Variants in CSMD1 observed in about 807,000 individuals in gnomAD.
CSMD1 encodes CUB and Sushi multiple domains 1.
In CSMD1, 213 loss-of-function variants were observed where a neutral mutation model predicts 417.5. The observed-to-expected ratio is 0.51, with a 90% CI of 0.46 to 0.57. The LOEUF (loss-of-function observed/expected upper bound fraction) is 0.57, where lower values mean the gene tolerates loss of function less well. CSMD1 is among the 20% of genes least tolerant of loss of function. CSMD1 has a pLI of 0.00. For synonymous variants in CSMD1, 2,862 were observed against 1,736.8 expected (o/e 1.65, Z -16.11); for missense variants, 6,923 against 4,529.7 (o/e 1.53, Z -15.17).
intron 5 of CSMD1, among the ~76,000 whole-genome samples, chr8:3,774,040 C>A (rs1042551392): frequency 6.6e-6 from 1 of 152,168 alleles, no homozygotes; most frequent in Non-Finnish European, 1.5e-5. Flanking sequence ...ATCTTTCATT[C>A]TTGGGCTTTT....
At chr8:3,632,473 T>G (rs999879369) in intron 7 of CSMD1, among the ~76,000 whole-genome samples, 1 of 152,164 alleles carries the variant, frequency 6.6e-6, no homozygotes, top group South Asian at 2.1e-4. Flanking sequence ...TACATATATC[T>G]CATTAACATG....
chr8:3,275,423 CGAG>C (rs1036839299), intron 26 of CSMD1, among the ~76,000 whole-genome samples: 34 of 152,168 alleles, frequency 2.2e-4, no homozygotes, highest in African/African-American at 7.7e-4. Flanking sequence ...TTGCTCTTCT[CGAG>C]GAGTATCTTT....
intron 3 of CSMD1, among the ~76,000 whole-genome samples, chr8:4,077,027 G>T (rs191019962): frequency 6.6e-6 from 1 of 151,922 alleles, no homozygotes; most frequent in African/African-American, 2.4e-5. Flanking sequence ...GCAACTCTAG[G>T]TAATTCTGTA....
intron 6 of CSMD1, among the ~76,000 whole-genome samples, chr8:3,732,647 T>A (rs1319509456): frequency 6.6e-6 from 1 of 152,174 alleles, no homozygotes; most frequent in Admixed American, 6.5e-5. Context: ...GTTTGCTTGT[T>A]TGAACAGAGT....
intron 2 of CSMD1, among the ~76,000 whole-genome samples, chr8:4,507,982 C>G (rs1004744985): frequency 8.6e-5 from 13 of 151,344 alleles, no homozygotes; most frequent in Non-Finnish European, 1.8e-4. Context: ...TGTGAGAATC[C>G]TACGAACACA....
At position 4,111,107 on chromosome 8, in the gene CSMD1, TACAA is replaced by T. The variant is rs377492583; in HGVS notation, c.416-79012_416-79009del. On this transcript the variant is annotated intron_variant, in intron 3 of 69. Coordinates refer to ENST00000635120, the MANE Select transcript of CSMD1 (RefSeq NM_033225.6). Reference sequence around the variant, plus strand: ...TCTAGTATCTTTCAAGGATTCCTTCTACAAAGTTTTGTTTTGCTCTGGTTTGGTT... The same window carrying T: ...TCTAGTATCTTTCAAGGATTCCTTCTAGTTTTGTTTTGCTCTGGTTTGGTT... Among the ~76,000 whole-genome samples, 861 of 152,286 alleles carry T rather than the reference TACAA, an allele frequency of 5.7e-3. 7 individuals are homozygous for T. The highest frequency in any genetic ancestry group is 0.02 in the African/African-American group (812 of 41,570).
chr8:3,103,722 A>G (rs2129013509), intron 46 of CSMD1, among the ~76,000 whole-genome samples: 1 of 150,580 alleles, frequency 6.6e-6, no homozygotes, highest in East Asian at 1.9e-4. Flanking sequence ...TCTGGAGAGG[A>G]CACCCTAATC....
At position 3,670,488 on chromosome 8, in the gene CSMD1, C is replaced by CAT. The variant is rs1358748238; in HGVS notation, c.1009+37925_1009+37926insAT. On this transcript the variant is annotated intron_variant, in intron 7 of 69. Coordinates refer to ENST00000635120, the MANE Select transcript of CSMD1 (RefSeq NM_033225.6). ...ATATGTATCCCATATATATATATCC[C>CAT]GTATATATATCCCATATATATATAT... 4.6e-3 allele frequency among the ~76,000 whole-genome samples: 635 copies of CAT among 138,714 alleles called. 8 individuals are homozygous for CAT. Among genetic ancestry groups the CAT allele is most frequent in the African/African-American group, 0.016 (591 of 37,928 alleles). The allele number at this position is 138,714 out of a possible 152,430, so 91.0% of individuals were successfully genotyped here.
intron 12 of CSMD1, among the ~76,000 whole-genome samples, chr8:3,458,761 T>C (rs1450764256): frequency 1.3e-5 from 2 of 152,214 alleles, no homozygotes; most frequent in Non-Finnish European, 2.9e-5. Flanking sequence ...CTTTGGTTAC[T>C]AAATGGCTCA....
chr8:3,115,772 T>G (rs1457409371), intron 42 of CSMD1, among the ~76,000 whole-genome samples: 1 of 152,230 alleles, frequency 6.6e-6, no homozygotes, highest in Non-Finnish European at 1.5e-5. Context: ...GACTGATGCC[T>G]TGGGATTTAG....
intron 37 of CSMD1, among the ~76,000 whole-genome samples, chr8:3,169,760 T>G (rs771205634): frequency 3.8e-4 from 58 of 152,222 alleles, no homozygotes; most frequent in Admixed American, 7.2e-4. Context: ...TATAGCACGG[T>G]TTCTTTTCAA....
chr8:3,783,325 G>A (rs1055266351), intron 5 of CSMD1, among the ~76,000 whole-genome samples: 2 of 152,226 alleles, frequency 1.3e-5, no homozygotes, highest in Non-Finnish European at 2.9e-5. Flanking sequence ...AGTGCAGATG[G>A]CAGGTTTTTC....
intron 11 of CSMD1, among the ~76,000 whole-genome samples, chr8:3,471,496 CCTTCCTTCCTTCA>C (rs1817096993): frequency 3.1e-5 from 3 of 95,354 alleles, no homozygotes; most frequent in Non-Finnish European, 5.4e-5. Flanking sequence ...TTCCTTCTTT[CCTTCCTTCCTTCA>C]TTCCTTCCTT....
chr8:4,589,350 T>C (rs903558742), intron 2 of CSMD1, among the ~76,000 whole-genome samples: 1 of 152,188 alleles, frequency 6.6e-6, no homozygotes, highest in Non-Finnish European at 1.5e-5. Context: ...TAATTCAAAG[T>C]ATTAACCATA....
At chr8:4,777,646 A>C (rs551251108) in intron 1 of CSMD1, among the ~76,000 whole-genome samples, 1 of 152,228 alleles carries the variant, frequency 6.6e-6, no homozygotes, top group Non-Finnish European at 1.5e-5. Context: ...AAAATACTGT[A>C]TTAGCTTGGT....
At chr8:3,678,450 A>T (rs943884334) in intron 7 of CSMD1, among the ~76,000 whole-genome samples, 1 of 152,240 alleles carries the variant, frequency 6.6e-6, no homozygotes, top group East Asian at 1.9e-4. Context: ...ACTGAAGATC[A>T]AATGAATGAA....
intron 26 of CSMD1, among the ~76,000 whole-genome samples, chr8:3,271,460 G>C (rs1585875263): frequency 6.7e-6 from 1 of 149,308 alleles, no homozygotes; most frequent in Non-Finnish European, 1.5e-5. Context: ...GGGATGGCTG[G>C]GTCAAATGGT....
In CSMD1 at chr8:3,899,405, G is replaced by A. The variant is rs1048973680; in HGVS notation, c.818+98498C>T. 2.6e-5 allele frequency among the ~76,000 whole-genome samples: 4 copies of A among 152,186 alleles called. 1 individual carries two copies. In the South Asian group the frequency reaches 8.3e-4, roughly 32 times the overall value. Reference sequence around the variant, plus strand: ...TGAACATGACCCATATGGGTATGCTGATTACTTCAACATGTTGGCCACAGG... The same window carrying A: ...TGAACATGACCCATATGGGTATGCTAATTACTTCAACATGTTGGCCACAGG... On this transcript the variant is annotated intron_variant, in intron 5 of 69. Coordinates refer to ENST00000635120, the MANE Select transcript of CSMD1 (RefSeq NM_033225.6).
intron 3 of CSMD1, among the ~76,000 whole-genome samples, chr8:4,175,583 G>C (rs1426843169): frequency 6.6e-6 from 1 of 152,064 alleles, no homozygotes; most frequent in South Asian, 2.1e-4. Context: ...AGGTATATTA[G>C]GAGAGTAAAT....
Sources: gnomAD v4.1 joint callset for allele counts (sites outside exome capture counted in the v4.1 genomes callset) on GRCh38, gnomAD v4.1.1 for gene constraint, MANE v1.5 for transcripts, NCBI Gene and HGNC (gene_info 2026-07-23, HGNC 2026-07-21) for gene names.